The following MEGF8 variants were observed in gnomAD, a reference collection of about 807,000 sequenced individuals.
The protein encoded by MEGF8 is multiple EGF like domains 8, also known as multiple epidermal growth factor-like domains protein 8.
In MEGF8, 156 loss-of-function variants were observed where a neutral mutation model predicts 302.9. That is an observed-to-expected ratio of 0.52 (90% CI 0.45 to 0.59). The LOEUF (loss-of-function observed/expected upper bound fraction) is 0.59. Ranked by LOEUF, MEGF8 falls within the 20% of genes least tolerant of loss-of-function variation. The pLI, the probability that MEGF8 is intolerant of heterozygous loss-of-function variation, is 0.00. For synonymous variants in MEGF8, 1,621 were observed against 1,660.5 expected, an observed-to-expected ratio of 0.98 and a Z score of 0.58; for missense variants, 3,345 against 3,964.5, an observed-to-expected ratio of 0.84 and a Z score of 4.20.
Position 42,358,217 on chromosome 19 carries a change from T to C in MEGF8, c.5085T>C (p.His1695=). The C allele has an allele frequency of 2.5e-6, 4 of 1,604,690 alleles. No individual in the cohort carries two copies. Among genetic ancestry groups the C allele is most frequent in the Non-Finnish European group, 3.4e-6 (4 of 1,176,062 alleles). Reference sequence around the variant, plus strand: ...ACGTGTTTGGGGGGTTCCGATTCCATGTGGAGCTGGCGGCCCCATCCCCCG... The same window carrying C: ...ACGTGTTTGGGGGGTTCCGATTCCACGTGGAGCTGGCGGCCCCATCCCCCG... The part of the protein sequence containing the change: ...SLYVFGGFRF[H]VELAAPSPEL... The change falls in exon 29 of 42, where the codon CAT becomes CAC. Residue 1695 remains histidine (H), a synonymous_variant. Coordinates refer to ENST00000251268, the MANE Select transcript of MEGF8 (RefSeq NM_001271938.2). The surrounding 1 kb of genome is among the most constrained non-coding windows in gnomAD (Gnocchi z 4.4).
chr19:42,353,796 G>T lies in MEGF8; in HGVS notation c.3783G>T (p.Arg1261=). The T allele has an allele frequency of 4.4e-6, 7 of 1,604,908 alleles. No individual in the cohort carries two copies. Among genetic ancestry groups the T allele is most frequent in the Non-Finnish European group, 6.0e-6 (7 of 1,173,498 alleles). Reference sequence around the variant, plus strand: ...CCAGGGCCGGTGGTTCCTGCTTTCGGGAGTGTGGGGGTCGCGCCCTCCTCA... The same window carrying T: ...CCAGGGCCGGTGGTTCCTGCTTTCGTGAGTGTGGGGGTCGCGCCCTCCTCA... ...GDPRAGGSCF[R]ECGGRALLTN... Residue 1261 remains arginine (R), a synonymous_variant, in exon 22 of 42, where the codon CGG becomes CGT. Transcript: ENST00000251268. The surrounding 1 kb of genome is among the most constrained non-coding windows in gnomAD (Gnocchi z 6.1).
intron 1 of MEGF8, among the ~76,000 whole-genome samples, chr19:42,329,691 G>A: frequency 6.6e-6 from 1 of 152,054 alleles, no homozygotes; most frequent in East Asian, 1.9e-4. Context: ...GTAAGACACT[G>A]TCTCTACAAA....
chr19:42,345,686 A>G (rs923711830), intron 12 of MEGF8, among the ~76,000 whole-genome samples: 3 of 152,224 alleles, frequency 2.0e-5, no homozygotes, highest in African/African-American at 7.2e-5. Context: ...TTGTTTATCC[A>G]TTCATCAGCT....
rs774933621 is a variant in MEGF8, at chr19:42,336,049, G to A, written c.947G>A (p.Gly316Asp). Reference protein sequence around the residue: ...DVWAFSPLGRGHWELLAPPAS... With the variant: ...DVWAFSPLGRDHWELLAPPAS... Reference sequence around the variant, plus strand: ...TGGGCCTTCAGTCCACTGGGCAGGGGCCACTGGGAGCTCCTGGCACCACCT... The same window carrying A: ...TGGGCCTTCAGTCCACTGGGCAGGGACCACTGGGAGCTCCTGGCACCACCT... Residue 316 changes from glycine to aspartate, a missense_variant, in exon 6 of 42, where the codon GGC (glycine) becomes GAC (aspartate). Transcript: ENST00000251268. This position sits in a 1 kb window ranked among gnomAD's most constrained non-coding sequence, Gnocchi z 4.8. 1.3e-6 allele frequency: 2 copies of A among 1,580,590 alleles called. No individual in the cohort carries two copies. Among genetic ancestry groups the A allele is most frequent in the African/African-American group, 2.7e-5 (2 of 74,540 alleles).
Position 42,354,045 on chromosome 19 carries a change from G to C in MEGF8, c.4011+21G>C. ...GCACGGTGAGCACTGAGGAAACGAG[G>C]GTTCAGGCGCATGAGCCAGAACCGT... On this transcript the variant is annotated intron_variant, in intron 22 of 41. Transcript: ENST00000251268. This position sits in a 1 kb window ranked among gnomAD's most constrained non-coding sequence, Gnocchi z 4.3. 3 of 1,579,800 alleles carry C rather than the reference G, an allele frequency of 1.9e-6. No individual in the cohort carries two copies. Among genetic ancestry groups the C allele is most frequent in the Non-Finnish European group, 2.6e-6 (3 of 1,164,630 alleles).
chr19:42,372,074 A>AACAC (rs1555784682), intron 41 of MEGF8, among the ~76,000 whole-genome samples: 2 of 79,228 alleles, frequency 2.5e-5, no homozygotes, highest in African/African-American at 3.7e-5. Context: ...AACAACAACA[A>AACAC]ACACACACAC....
chr19:42,365,887 G>A (rs1442754172), intron 35 of MEGF8, among the ~76,000 whole-genome samples: 5 of 151,626 alleles, frequency 3.3e-5, no homozygotes. Flanking sequence ...TTCAAGACCA[G>A]CTTGACCAAT....
rs749425382 is a variant in MEGF8 at position 42,360,932 on chromosome 19, A to G, written c.5646A>G (p.Ser1882=). 6.2e-7 allele frequency: 1 copy of G among 1,609,078 alleles called. No homozygotes were observed. Among genetic ancestry groups the G allele is most frequent in the Admixed American group, 1.7e-5 (1 of 59,680 alleles). Residue 1882 remains serine, a synonymous_variant, in exon 32 of 42, where the codon TCA becomes TCG. Coordinates refer to ENST00000251268, the MANE Select transcript of MEGF8 (RefSeq NM_001271938.2). ...LPPDPCRLLS[S]PEACNQSGAC... ...CTGACCCCTGCCGCCTGCTGTCCTC[A>G]CCTGAAGCTTGTAACCAGTCTGGGG...
At position 42,376,172 on chromosome 19, in the gene MEGF8, C is replaced by T; in HGVS notation, c.7935C>T (p.His2645=). ...GLLFFRQDQA[H]IDLFVFFSVF... ...TCTTCTTCCGGCAGGACCAGGCCCA[C>T]ATTGACCTGTTTGTCTTCTTCTCCG... The change falls in exon 42 of 42, where the codon CAC becomes CAT. Residue 2645 remains histidine, a synonymous_variant. Coordinates refer to ENST00000251268, the MANE Select transcript of MEGF8 (RefSeq NM_001271938.2). This position sits in a 1 kb window ranked among gnomAD's most constrained non-coding sequence, Gnocchi z 8.2. 1.2e-6 allele frequency: 2 copies of T among 1,611,290 alleles called. No individual in the cohort carries two copies. Among genetic ancestry groups the T allele is most frequent in the Non-Finnish European group, 1.7e-6 (2 of 1,179,316 alleles).
At chr19:42,334,322 C>T (rs1300338646) in intron 3 of MEGF8, 109 bp downstream of exon 3, 2 of 1,029,810 alleles carry the variant, frequency 1.9e-6, no homozygotes, top group South Asian at 1.7e-5. Context: ...CCCCCCACCA[C>T]CCCACCCTCC....
chr19:42,335,182 C>T lies in MEGF8; in HGVS notation c.706C>T (p.Leu236=). ...SARIGAAGAF[L]SPPGLLAVFG... is the part of the protein sequence containing the mutation. Reference sequence around the variant, plus strand: ...CCGTATTGGGGCAGCTGGCGCCTTCCTGTCCCCACCAGGGCTGCTGGCAGT... The same window carrying T: ...CCGTATTGGGGCAGCTGGCGCCTTCTTGTCCCCACCAGGGCTGCTGGCAGT... Residue 236 remains leucine, a synonymous_variant, in exon 4 of 42, where the codon CTG becomes TTG. Coordinates refer to ENST00000251268, the MANE Select transcript of MEGF8 (RefSeq NM_001271938.2). The T allele has an allele frequency of 6.2e-7, 1 of 1,614,010 alleles. No individual in the cohort carries two copies. Among genetic ancestry groups the T allele is most frequent in the Non-Finnish European group, 8.5e-7 (1 of 1,179,876 alleles).
In MEGF8 at chr19:42,348,481, G is replaced by T; in HGVS notation, c.2298+9G>T. The T allele has an allele frequency of 2.0e-6, 3 of 1,508,128 alleles. No individual in the cohort carries two copies. The highest frequency in any genetic ancestry group is 2.4e-5 in the South Asian group (2 of 81,670). The allele number at this position is 1,508,128 out of a possible 1,614,324, so 93.4% of individuals were successfully genotyped here. A position where few individuals can be genotyped will look rare whatever the true frequency, so the allele number is the denominator to read the frequency against. The stretch of plus-strand genomic sequence containing the variant: ...CTGACACGGAGAACATGGTGAGGCC[G>T]CCTGGGACATTCAGGGGGTTGTTTA... On this transcript the variant is annotated intron_variant, in intron 13 of 41. Coordinates refer to ENST00000251268, the MANE Select transcript of MEGF8 (RefSeq NM_001271938.2).
intron 31 of MEGF8, among the ~76,000 whole-genome samples, chr19:42,360,294 CT>C (rs1010377146): frequency 6.7e-6 from 1 of 148,202 alleles, no homozygotes; most frequent in Non-Finnish European, 1.5e-5. Context: ...CTCTCCCTCT[CT>C]TTTTTTTTGC....
intron 35 of MEGF8, among the ~76,000 whole-genome samples, chr19:42,364,904 C>A (rs893114760): frequency 1.3e-5 from 2 of 152,156 alleles, no homozygotes; most frequent in Non-Finnish European, 2.9e-5. Flanking sequence ...ATTCAGGAAG[C>A]ACTAAAAAAT....
At chr19:42,370,618 G>A (rs1468822674) in intron 39 of MEGF8, 83 bp from the exon 40 acceptor site, 2 of 1,472,158 alleles carry the variant, frequency 1.4e-6, no homozygotes, top group Non-Finnish European at 1.8e-6. Context: ...GGGAGGAGTG[G>A]GTAGGAGCCT....
Position 42,344,543 on chromosome 19 carries a change from C to A in MEGF8, c.1891C>A (p.Leu631Met). Residue 631 changes from leucine to methionine, a missense_variant, in exon 11 of 42, where the codon CTG becomes ATG. By Grantham distance (15) the Leu-to-Met change is conservative. Transcript: ENST00000251268. The surrounding 1 kb of genome is among the most constrained non-coding windows in gnomAD (Gnocchi z 4.5). ...AGCCCCTCCACGGGGACCTGGCACC[C>A]TGGGCTGGTGCGTGCACAATGAGAG... Reference protein sequence around the residue: ...PTAPPRGPGTLGWCVHNESCL... With the variant: ...PTAPPRGPGTMGWCVHNESCL... 1 of 1,600,162 alleles carries A rather than the reference C, an allele frequency of 6.2e-7. No homozygotes were observed. The highest frequency in any genetic ancestry group is 8.5e-7 in the Non-Finnish European group (1 of 1,178,906).
Position 42,376,225 on chromosome 19 carries a change from TCTCA to T in MEGF8, c.7992_7995del (p.Leu2665ValfsTer24). On this transcript the variant is annotated frameshift_variant, in exon 42 of 42. Coordinates refer to ENST00000251268, the MANE Select transcript of MEGF8 (RefSeq NM_001271938.2). LOFTEE classifies it high-confidence loss of function. The surrounding 1 kb of genome is among the most constrained non-coding windows in gnomAD (Gnocchi z 8.2). ...TTCTTCTCCTGCTTCTTCCTCTTCC[TCTCA>T]CTCTGTGTGCTCCTCTGGAAGGCCA... 1 of 1,604,422 alleles carries T rather than the reference TCTCA, an allele frequency of 6.2e-7. No individual in the cohort carries two copies. Among genetic ancestry groups the T allele is most frequent in the Non-Finnish European group, 8.5e-7 (1 of 1,175,732 alleles).
rs961981839 is a variant in MEGF8, at chr19:42,333,467, G to T, written c.188-138G>T. On this transcript the variant is annotated intron_variant, in intron 1 of 41. Coordinates refer to ENST00000251268, the MANE Select transcript of MEGF8 (RefSeq NM_001271938.2). Reference sequence around the variant, plus strand: ...TTATGAGACTGGGGGCCCCTTCAAGGCGGGGCCCAGGTCTGACTCATTCTT... The same window carrying T: ...TTATGAGACTGGGGGCCCCTTCAAGTCGGGGCCCAGGTCTGACTCATTCTT... 7.5e-6 allele frequency: 7 copies of T among 930,744 alleles called. No homozygotes were observed. The African/African-American group carries it at 1.2e-4, about 15-fold the overall frequency. 57.7% of individuals were successfully genotyped at this position (930,744 alleles called of 1,614,324 possible).
In MEGF8 at chr19:42,350,161, T is replaced by G; in HGVS notation, c.2513T>G (p.Phe838Cys). Reference protein sequence around the residue: ...GVPGGSEISFFFLEPYRSSSC... With the variant: ...GVPGGSEISFCFLEPYRSSSC... ...CCCCTTCCCCAGGAGATCTCCTTCTTCTTCCTGGAGCCCTACCGCTCGTCG... is the reference window on the plus strand; with the variant it reads ...CCCCTTCCCCAGGAGATCTCCTTCTGCTTCCTGGAGCCCTACCGCTCGTCG... The change falls in exon 15 of 42, where the codon TTC (phenylalanine) becomes TGC (cysteine). Residue 838 changes from phenylalanine (F) to cysteine (C), a missense_variant. Physicochemically the swap from Phe to Cys is radical, Grantham distance 205. Coordinates refer to ENST00000251268, the MANE Select transcript of MEGF8 (RefSeq NM_001271938.2). The G allele has an allele frequency of 6.2e-7, 1 of 1,611,870 alleles. No individual in the cohort carries two copies. Among genetic ancestry groups the G allele is most frequent in the African/African-American group, 1.3e-5 (1 of 75,034 alleles).
Sources: gnomAD v4.1 joint callset for allele counts (sites outside exome capture counted in the v4.1 genomes callset) on GRCh38, gnomAD v4.1.1 for gene constraint, Gnocchi (gnomAD v3.1) non-coding constraint, MANE v1.5 for transcripts, NCBI Gene and HGNC (gene_info 2026-07-23, HGNC 2026-07-21) for gene names.